Variants in CNTN5 observed in about 807,000 individuals in gnomAD.
CNTN5 encodes the protein contactin-5.
In CNTN5, 77 loss-of-function variants were observed where a neutral mutation model predicts 129.1. The ratio of observed to expected loss-of-function variants is 0.60; its 90% CI spans 0.50 to 0.72. CNTN5 has a LOEUF of 0.72. Among genes scored for constraint, CNTN5 ranks in the 30% least tolerant of loss-of-function variants. The pLI, the probability that CNTN5 is intolerant of heterozygous loss-of-function variation, is 0.00. For synonymous variants in CNTN5, 509 were observed against 465.6 expected, an observed-to-expected ratio of 1.09 and a Z score of -1.20; for missense variants, 1,478 against 1,328.8, an observed-to-expected ratio of 1.11 and a Z score of -1.75.
At chr11:99,379,795 C>T (rs1277242165) in intron 2 of CNTN5, among the ~76,000 whole-genome samples, 1 of 152,090 alleles carries the variant, frequency 6.6e-6, no homozygotes, top group African/African-American at 2.4e-5. Flanking sequence ...TGCAAAGCTG[C>T]TTAAAAGTGA....
At chr11:99,225,687 T>C (rs1860646648) in intron 1 of CNTN5, among the ~76,000 whole-genome samples, 1 of 152,174 alleles carries the variant, frequency 6.6e-6, no homozygotes, top group Non-Finnish European at 1.5e-5. Flanking sequence ...AAGCTATAGT[T>C]ACTTTTGTCA....
At chr11:99,901,556 G>C (rs1239873385) in intron 6 of CNTN5, among the ~76,000 whole-genome samples, 1 of 152,094 alleles carries the variant, frequency 6.6e-6, no homozygotes, top group Non-Finnish European at 1.5e-5. Flanking sequence ...GCCTCCCAAA[G>C]TGCTGTGATT....
intron 3 of CNTN5, among the ~76,000 whole-genome samples, chr11:99,751,059 G>A (rs908671334): frequency 5.3e-5 from 8 of 152,184 alleles, no homozygotes; most frequent in Non-Finnish European, 1.2e-4. Context: ...TATAACTTAA[G>A]GGTGCAGTGG....
At chr11:100,256,996 T>G (rs1020390382) in intron 17 of CNTN5, among the ~76,000 whole-genome samples, 1 of 152,074 alleles carries the variant, frequency 6.6e-6, no homozygotes, top group African/African-American at 2.4e-5. Flanking sequence ...GAGAGCCAAG[T>G]GGTCTAGCTC....
At chr11:100,050,532 G>T (rs995166274) in intron 9 of CNTN5, among the ~76,000 whole-genome samples, 8 of 151,848 alleles carry the variant, frequency 5.3e-5, no homozygotes, top group African/African-American at 1.7e-4. Context: ...GCTAAATGAC[G>T]AGTTAATGGG....
chr11:99,213,419 CATATATACACGTGT>C (rs1859938301), intron 1 of CNTN5, among the ~76,000 whole-genome samples: 1 of 141,314 alleles, frequency 7.1e-6, no homozygotes, highest in Admixed American at 7.2e-5. Context: ...TATGTATATA[CATATATACACGTGT>C]ATATATACAC....
chr11:100,012,520 C>G (rs761736617), intron 9 of CNTN5, among the ~76,000 whole-genome samples: 2 of 152,104 alleles, frequency 1.3e-5, no homozygotes, highest in Non-Finnish European at 2.9e-5. Context: ...TTATTATTCA[C>G]ATTTAGAGTC....
chr11:99,895,120 T>C (rs1015535517), intron 6 of CNTN5, among the ~76,000 whole-genome samples: 2 of 152,222 alleles, frequency 1.3e-5, no homozygotes, highest in African/African-American at 4.8e-5. Flanking sequence ...AGAACCTTGG[T>C]AGCATCAGAT....
chr11:100,143,869 C>CT (rs1946771109), intron 13 of CNTN5, among the ~76,000 whole-genome samples: 1 of 152,046 alleles, frequency 6.6e-6, no homozygotes, highest in Non-Finnish European at 1.5e-5. Context: ...GTGATTTGAG[C>CT]TTTTTTCCTC....
intron 6 of CNTN5, among the ~76,000 whole-genome samples, chr11:99,879,243 A>G (rs1343542634): frequency 2.6e-5 from 4 of 152,120 alleles, no homozygotes; most frequent in African/African-American, 9.7e-5. Flanking sequence ...TGGCCAGTGA[A>G]GATAATTTCT....
intron 1 of CNTN5, among the ~76,000 whole-genome samples, chr11:99,236,763 C>G (rs1216726938): frequency 6.6e-6 from 1 of 152,066 alleles, no homozygotes; most frequent in Non-Finnish European, 1.5e-5. Context: ...TAACTGCTCA[C>G]TATTTTTATA....
chr11:99,124,369 C>T (rs1021199274), intron 1 of CNTN5, among the ~76,000 whole-genome samples: 15 of 152,006 alleles, frequency 9.9e-5, no homozygotes, highest in East Asian at 1.9e-4. Flanking sequence ...GACTTTTGCA[C>T]GTCGATTTTG....
At chr11:99,656,690 C>G (rs529676524) in intron 3 of CNTN5, among the ~76,000 whole-genome samples, 1 of 152,170 alleles carries the variant, frequency 6.6e-6, no homozygotes, top group South Asian at 2.1e-4. Context: ...TGCCTGCACT[C>G]CACTAGAGAC....
rs116413639 is a variant in CNTN5, at chr11:99,053,680, A to G, written c.-210+32410A>G. 2.6e-3 allele frequency among the ~76,000 whole-genome samples: 390 copies of G among 152,106 alleles called. 2 individuals carry two copies. The highest frequency in any genetic ancestry group is 8.9e-3 in the African/African-American group (371 of 41,540). On this transcript the variant is annotated intron_variant, in intron 1 of 24. Transcript: ENST00000524871. ...TTGGGAGTTTCTGAATGGTCACAAT[A>G]GAAGTAAAACAGGTCAGAAAGAGGA...
At chr11:100,268,156 G>A (rs1950341663) in intron 17 of CNTN5, among the ~76,000 whole-genome samples, 1 of 152,158 alleles carries the variant, frequency 6.6e-6, no homozygotes, top group Admixed American at 6.6e-5. Flanking sequence ...AGATTGGGTA[G>A]GAATGAGATA....
At chr11:99,243,740 T>C (rs994703379) in intron 1 of CNTN5, among the ~76,000 whole-genome samples, 1 of 142,998 alleles carries the variant, frequency 7.0e-6, no homozygotes, top group Non-Finnish European at 1.5e-5. Flanking sequence ...TTGCTTATTT[T>C]TTTTTTTTTT....
At chr11:99,308,477 G>A (rs1351183939) in intron 1 of CNTN5, among the ~76,000 whole-genome samples, 2 of 152,016 alleles carry the variant, frequency 1.3e-5, no homozygotes, top group African/African-American at 2.4e-5. Flanking sequence ...AATGTGATAA[G>A]GACTCACATA....
Position 99,030,651 on chromosome 11 carries a change from A to G in CNTN5, c.-210+9381A>G, listed in dbSNP as rs1159661029. On this transcript the variant is annotated intron_variant, in intron 1 of 24. Coordinates refer to ENST00000524871, the MANE Select transcript of CNTN5 (RefSeq NM_014361.4). Reference sequence around the variant, plus strand: ...GTGATAACAAAATAGTACAGAATACATTCATTTGAAATTAATAATGTTCCC... The same window carrying G: ...GTGATAACAAAATAGTACAGAATACGTTCATTTGAAATTAATAATGTTCCC... Among the ~76,000 whole-genome samples the G allele has an allele frequency of 4.7e-4, 71 of 152,168 alleles. 1 individual carries two copies. Among genetic ancestry groups the G allele is most frequent in the Non-Finnish European group, 4.4e-5 (3 of 68,024 alleles).
At chr11:100,104,776 C>G (rs1320961359) in intron 13 of CNTN5, among the ~76,000 whole-genome samples, 1 of 152,144 alleles carries the variant, frequency 6.6e-6, no homozygotes, top group Non-Finnish European at 1.5e-5. Context: ...TCTTACCTCT[C>G]TACTAGTTTT....
Sources: allele counts gnomAD v4.1 joint callset (sites outside exome capture counted in the v4.1 genomes callset), GRCh38; gene constraint gnomAD v4.1.1; transcripts MANE v1.5; gene names NCBI Gene and HGNC (gene_info 2026-07-23, HGNC 2026-07-21).